PDE4B: variants seen among roughly 807,000 people sequenced by gnomAD.
PDE4B encodes the protein 3',5'-cyclic-AMP phosphodiesterase 4B.
Under a neutral mutation model 82.2 loss-of-function variants are expected in PDE4B, and 20 were observed. The ratio of observed to expected loss-of-function variants is 0.24; its 90% CI spans 0.17 to 0.35. PDE4B has a LOEUF of 0.35. Among genes scored for constraint, PDE4B ranks in the 10% least tolerant of loss-of-function variants. The probability of loss-of-function intolerance (pLI) is 1.00; values close to 1 mark genes in which losing one functional copy is unlikely to be tolerated. For synonymous variants in PDE4B, 320 were observed against 318.9 expected (o/e 1.00, Z -0.04); for missense variants, 655 against 907.2 (o/e 0.72, Z 3.57).
At chr1:66,044,618 G>T (rs574626550) in intron 3 of PDE4B, among the ~76,000 whole-genome samples, 116 of 151,796 alleles carry the variant, frequency 7.6e-4, no homozygotes, top group African/African-American at 2.5e-3. Context: ...AGAAATTTGA[G>T]AAAATTAGTG....
At chr1:65,805,879 T>G (rs941894669) in intron 1 of PDE4B, among the ~76,000 whole-genome samples, 2 of 152,158 alleles carry the variant, frequency 1.3e-5, no homozygotes, top group Non-Finnish European at 2.9e-5. Context: ...ATTTGAAGCT[T>G]TTTAACATCA....
chr1:66,340,738 CTA>C (rs1185245650), intron 8 of PDE4B, among the ~76,000 whole-genome samples: 2 of 152,030 alleles, frequency 1.3e-5, no homozygotes, highest in African/African-American at 4.8e-5. Flanking sequence ...GTAAAAATGA[CTA>C]AGCCAATTTT....
intron 8 of PDE4B, chr1:66,355,321 T>G: frequency 2.4e-6 from 1 of 424,330 alleles, no homozygotes; most frequent in Admixed American, 4.1e-5. Flanking sequence ...ATGTTAATTC[T>G]AAGAAATCTT....
chr1:66,134,225 C>A (rs1299425151), intron 3 of PDE4B, among the ~76,000 whole-genome samples: 1 of 152,166 alleles, frequency 6.6e-6, no homozygotes, highest in Non-Finnish European at 1.5e-5. Context: ...ATGTCTTAGG[C>A]AGATAGTTAC....
intron 8 of PDE4B, among the ~76,000 whole-genome samples, chr1:66,344,217 G>A (rs1042658451): frequency 6.6e-6 from 1 of 152,178 alleles, no homozygotes; most frequent in Non-Finnish European, 1.5e-5. Flanking sequence ...GCCAGGCTCA[G>A]TATATTATTT....
chr1:66,211,574 T>C (rs1344602252), intron 3 of PDE4B, among the ~76,000 whole-genome samples: 1 of 152,226 alleles, frequency 6.6e-6, no homozygotes, highest in East Asian at 1.9e-4. Flanking sequence ...AATAATAAAA[T>C]AACACTCTGC....
intron 3 of PDE4B, among the ~76,000 whole-genome samples, chr1:66,090,125 G>C (rs954068677): frequency 6.6e-6 from 1 of 151,976 alleles, no homozygotes; most frequent in African/African-American, 2.4e-5. Context: ...TTTCAGGAGA[G>C]AGTGACCTTA....
intron 7 of PDE4B, among the ~76,000 whole-genome samples, chr1:66,310,770 G>T (rs1658612072): frequency 6.6e-6 from 1 of 152,074 alleles, no homozygotes; most frequent in South Asian, 2.1e-4. Context: ...ATAAGACCTG[G>T]AGTCAAGAGA....
intron 3 of PDE4B, among the ~76,000 whole-genome samples, chr1:66,007,342 G>A (rs911131325): frequency 6.6e-6 from 1 of 152,060 alleles, no homozygotes; most frequent in African/African-American, 2.4e-5. Flanking sequence ...TACTTGGGAG[G>A]CTGAGGTGGG....
chr1:65,806,662 C>G (rs977147304), intron 1 of PDE4B, among the ~76,000 whole-genome samples: 1 of 152,146 alleles, frequency 6.6e-6, no homozygotes, highest in African/African-American at 2.4e-5. Context: ...TTATGTTGAT[C>G]GAGCTTGCCT....
intron 1 of PDE4B, among the ~76,000 whole-genome samples, chr1:65,861,148 C>A (rs1439786513): frequency 6.6e-6 from 1 of 152,112 alleles, no homozygotes; most frequent in African/African-American, 2.4e-5. Flanking sequence ...ACGGTATTGC[C>A]TAGGTTTTCT....
At chr1:65,849,599 G>A (rs1450986139) in intron 1 of PDE4B, among the ~76,000 whole-genome samples, 2 of 152,012 alleles carry the variant, frequency 1.3e-5, no homozygotes, top group Admixed American at 6.6e-5. Context: ...GGCCCGGGAG[G>A]AAGCTTCCCT....
At chr1:66,103,603 T>C (rs1260622959) in intron 3 of PDE4B, among the ~76,000 whole-genome samples, 1 of 152,078 alleles carries the variant, frequency 6.6e-6, no homozygotes, top group African/African-American at 2.4e-5. Flanking sequence ...AACTTATTGG[T>C]TTAGTATGGT....
At chr1:65,841,657 T>C (rs1646209266) in intron 1 of PDE4B, among the ~76,000 whole-genome samples, 1 of 152,196 alleles carries the variant, frequency 6.6e-6, no homozygotes, top group Non-Finnish European at 1.5e-5. Context: ...TTTTTTTACT[T>C]GGAGAGGATC....
intron 7 of PDE4B, among the ~76,000 whole-genome samples, chr1:66,309,333 G>A: frequency 6.6e-6 from 1 of 152,172 alleles, no homozygotes; most frequent in African/African-American, 2.4e-5. Flanking sequence ...TTGCAAATGG[G>A]TTTATAAAAT....
At chr1:66,077,091 C>T (rs1461227512) in intron 3 of PDE4B, among the ~76,000 whole-genome samples, 2 of 151,848 alleles carry the variant, frequency 1.3e-5, no homozygotes, top group African/African-American at 4.8e-5. Flanking sequence ...TTTGCCAAGG[C>T]CAACATCAAG....
At chr1:66,361,016 A>G (rs994675964) in intron 9 of PDE4B, among the ~76,000 whole-genome samples, 1 of 152,228 alleles carries the variant, frequency 6.6e-6, no homozygotes, top group African/African-American at 2.4e-5. Flanking sequence ...TCAAATGGTA[A>G]TAAACCAAGC....
At chr1:66,188,675 T>A (rs1647421111) in intron 3 of PDE4B, among the ~76,000 whole-genome samples, 2 of 151,910 alleles carry the variant, frequency 1.3e-5, no homozygotes, top group African/African-American at 4.8e-5. Context: ...TTTTTTGTTT[T>A]CCATTTGCTT....
At chr1:66,120,804 C>T (rs909990034) in intron 3 of PDE4B, among the ~76,000 whole-genome samples, 2 of 152,148 alleles carry the variant, frequency 1.3e-5, no homozygotes, top group African/African-American at 4.8e-5. Flanking sequence ...ATGCTATCTC[C>T]ATGGGTCCCA....
Sources: allele counts gnomAD v4.1 joint callset (sites outside exome capture counted in the v4.1 genomes callset), GRCh38; gene constraint gnomAD v4.1.1; transcripts MANE v1.5; gene names NCBI Gene and HGNC (gene_info 2026-07-23, HGNC 2026-07-21).